Variants in PTTG1IP2 observed in about 807,000 individuals in gnomAD.
PTTG1IP2 encodes the protein PTTG1IP family member 2.
At chr7:90,497,730 AAAAAAAAAAAAAAAG>A (rs1584698220) in intron 6 of PTTG1IP2, among the ~76,000 whole-genome samples, 3 of 147,358 alleles carry the variant, frequency 2.0e-5, no homozygotes, top group East Asian at 2.0e-4. Context: ...AAAAAAAAAA[AAAAAAAAAAAAAAAG>A]AAGAAGAAGA....
intron 6 of PTTG1IP2, among the ~76,000 whole-genome samples, chr7:90,510,562 T>G (rs993641864): frequency 1.3e-5 from 2 of 152,230 alleles, no homozygotes; most frequent in Non-Finnish European, 2.9e-5. Context: ...TGTGTGTGTC[T>G]TTAGTTGTTT....
intron 6 of PTTG1IP2, among the ~76,000 whole-genome samples, chr7:90,504,861 T>C (rs144025543): frequency 6.6e-6 from 1 of 152,352 alleles, no homozygotes; most frequent in Non-Finnish European, 1.5e-5. Context: ...GATTTATTAA[T>C]CTTGTCATGC....
chr7:90,504,557 T>C (rs1798103359), intron 6 of PTTG1IP2, among the ~76,000 whole-genome samples: 1 of 152,170 alleles, frequency 6.6e-6, no homozygotes, highest in Non-Finnish European at 1.5e-5. Flanking sequence ...TGAATGTATG[T>C]GGCTGTGTTT....
intron 2 of PTTG1IP2, among the ~76,000 whole-genome samples, chr7:90,483,347 T>C (rs1294016490): frequency 6.6e-6 from 1 of 152,152 alleles, no homozygotes; most frequent in Non-Finnish European, 1.5e-5. Flanking sequence ...TCATTGACTT[T>C]CCCCTTGAGA....
chr7:90,507,772 G>C (rs190679562), intron 6 of PTTG1IP2, among the ~76,000 whole-genome samples: 1 of 152,214 alleles, frequency 6.6e-6, no homozygotes, highest in Admixed American at 6.5e-5. Context: ...CATGTATAAA[G>C]CACTTTTTAT....
chr7:90,481,521 C>A (rs1797815142), intron 2 of PTTG1IP2, among the ~76,000 whole-genome samples: 1 of 152,096 alleles, frequency 6.6e-6, no homozygotes, highest in Non-Finnish European at 1.5e-5. Flanking sequence ...TTTCCCCATC[C>A]CATCAATATC....
At chr7:90,482,925 T>C (rs1175737687) in intron 2 of PTTG1IP2, among the ~76,000 whole-genome samples, 2 of 152,172 alleles carry the variant, frequency 1.3e-5, no homozygotes, top group African/African-American at 4.8e-5. Context: ...CTACTTTATC[T>C]ATTGCACAGT....
At chr7:90,488,251 C>T (rs1243404746) in intron 3 of PTTG1IP2, among the ~76,000 whole-genome samples, 13 of 151,964 alleles carry the variant, frequency 8.6e-5, no homozygotes. Flanking sequence ...CTTTCCGGTA[C>T]TATCAGATAT....
intron 6 of PTTG1IP2, among the ~76,000 whole-genome samples, chr7:90,502,946 G>A (rs1351142531): frequency 2.6e-5 from 4 of 152,182 alleles, no homozygotes; most frequent in Non-Finnish European, 5.9e-5. Context: ...TTGAAGCCAG[G>A]CATTGACTTT....
chr7:90,482,761 A>AT (rs57278587), intron 2 of PTTG1IP2, among the ~76,000 whole-genome samples: 26,311 of 151,910 alleles, frequency 0.17, 2,422 homozygotes, highest in East Asian at 0.24. Context: ...GAGCATCATA[A>AT]GACTGTTGCA....
At chr7:90,470,027 C>T (rs995282487) in intron 1 of PTTG1IP2, 96 bp downstream of exon 1, 1 of 152,566 alleles carries the variant, frequency 6.6e-6, no homozygotes, top group African/African-American at 2.4e-5. Flanking sequence ...ATTTTCATCT[C>T]AAAAGTTGTC....
chr7:90,481,705 C>T (rs1797817460), intron 2 of PTTG1IP2, among the ~76,000 whole-genome samples: 2 of 152,138 alleles, frequency 1.3e-5, no homozygotes, highest in African/African-American at 4.8e-5. Flanking sequence ...TGGACTTGAA[C>T]ATGTACATTT....
chr7:90,498,239 A>T (rs1440389212), intron 6 of PTTG1IP2, among the ~76,000 whole-genome samples: 1 of 152,166 alleles, frequency 6.6e-6, no homozygotes, highest in Non-Finnish European at 1.5e-5. Context: ...GTTAGCCAGG[A>T]TGGTCTCGAT....
chr7:90,510,072 G>A (rs1465033180), intron 6 of PTTG1IP2, among the ~76,000 whole-genome samples: 38 of 152,122 alleles, frequency 2.5e-4, no homozygotes, highest in Admixed American at 2.5e-3. Context: ...GGCTACCTGG[G>A]AGCATCATGT....
chr7:90,476,334 A>G (rs968487276), intron 1 of PTTG1IP2, among the ~76,000 whole-genome samples: 1 of 152,210 alleles, frequency 6.6e-6, no homozygotes, highest in Non-Finnish European at 1.5e-5. Flanking sequence ...CAGAAATCAT[A>G]TGGAAGTTTA....
chr7:90,506,134 T>C (rs1798122426), intron 6 of PTTG1IP2, among the ~76,000 whole-genome samples: 1 of 151,972 alleles, frequency 6.6e-6, no homozygotes, highest in Admixed American at 6.6e-5. Context: ...CTCTGGGAGC[T>C]CTAGAAACCC....
chr7:90,507,005 C>T (rs1448954384), intron 6 of PTTG1IP2, among the ~76,000 whole-genome samples: 2 of 152,082 alleles, frequency 1.3e-5, no homozygotes, highest in South Asian at 2.1e-4. Flanking sequence ...ATGGGTCACT[C>T]GATATATTCC....
chr7:90,474,362 G>T (rs1466850398), intron 1 of PTTG1IP2, among the ~76,000 whole-genome samples: 1 of 152,104 alleles, frequency 6.6e-6, no homozygotes, highest in Admixed American at 6.5e-5. Context: ...TGACAGTGCT[G>T]GAAAACAACA....
intron 1 of PTTG1IP2, among the ~76,000 whole-genome samples, chr7:90,477,317 G>A (rs1302249114): frequency 6.6e-6 from 1 of 152,146 alleles, no homozygotes; most frequent in Non-Finnish European, 1.5e-5. Context: ...GTAACACATA[G>A]GTCAGCTGTA....
Sources: gnomAD v4.1 joint callset for allele counts (sites outside exome capture counted in the v4.1 genomes callset) on GRCh38, gnomAD v4.1.1 for gene constraint, MANE v1.5 for transcripts, NCBI Gene and HGNC (gene_info 2026-07-23, HGNC 2026-07-21) for gene names.